SPI1: variants seen among roughly 807,000 people sequenced by gnomAD.
SPI1 encodes the protein transcription factor PU.1.
Under a neutral mutation model 30.7 loss-of-function variants are expected in SPI1, and 3 were observed. That is an observed-to-expected ratio of 0.10 (90% CI 0.04 to 0.25). The LOEUF (loss-of-function observed/expected upper bound fraction) is 0.25, where lower values mean the gene tolerates loss of function less well. Ranked by LOEUF, SPI1 falls within the 10% of genes least tolerant of loss-of-function variation. SPI1 has a pLI of 1.00. For synonymous variants in SPI1, 169 were observed against 157.1 expected, an observed-to-expected ratio of 1.08 and a Z score of -0.56; for missense variants, 261 against 371.5, an observed-to-expected ratio of 0.70 and a Z score of 2.45.
At chr11:47,372,068 G>A (rs2095936661) in intron 2 of SPI1, among the ~76,000 whole-genome samples, 2 of 151,228 alleles carry the variant, frequency 1.3e-5, no homozygotes, top group South Asian at 2.1e-4. Flanking sequence ...TAGACACTCC[G>A]CATTACATCT....
intron 2 of SPI1, among the ~76,000 whole-genome samples, chr11:47,362,026 A>C (rs2095921491): frequency 6.6e-6 from 1 of 152,322 alleles, no homozygotes; most frequent in South Asian, 2.1e-4. Flanking sequence ...AGAAAGGCAG[A>C]GCTGGGCTCA....
chr11:47,369,279 A>G (rs1387456669), intron 2 of SPI1, among the ~76,000 whole-genome samples: 1 of 152,136 alleles, frequency 6.6e-6, no homozygotes, highest in African/African-American at 2.4e-5. Flanking sequence ...CAAAAAGCAT[A>G]ATAAACAATA....
chr11:47,377,512 T>TC (rs911968287), intron 1 of SPI1, among the ~76,000 whole-genome samples: 1 of 151,730 alleles, frequency 6.6e-6, no homozygotes, highest in Non-Finnish European at 1.5e-5. Flanking sequence ...CTTCTCGGGG[T>TC]CCCCTGGGGC....
intron 4 of SPI1, among the ~76,000 whole-genome samples, chr11:47,356,376 ACCT>A (rs2095909306): frequency 2.1e-5 from 3 of 140,096 alleles, no homozygotes; most frequent in South Asian, 2.3e-4. Flanking sequence ...TCATGCTCAC[ACCT>A]CATTCACACC....
At chr11:47,360,064 T>C (rs2095918447) in intron 2 of SPI1, 24 bp from the exon 3 acceptor site, 1 of 1,515,186 alleles carries the variant, frequency 6.6e-7, no homozygotes, top group Non-Finnish European at 8.9e-7. Flanking sequence ...CCAGGCAGTA[T>C]GGGGTGAGCT....
chr11:47,356,296 A>G (rs917695153), intron 4 of SPI1, among the ~76,000 whole-genome samples: 3 of 149,442 alleles, frequency 2.0e-5, no homozygotes, highest in African/African-American at 5.0e-5. Flanking sequence ...GCACCCACCC[A>G]CATGTTCAAA....
At position 47,358,917 on chromosome 11, in the gene SPI1, G is replaced by C; in HGVS notation, c.420C>G (p.Ser140Arg). 22 of 1,560,982 alleles carry C rather than the reference G, an allele frequency of 1.4e-5. No homozygotes were observed. The highest frequency in any genetic ancestry group is 1.9e-5 in the Non-Finnish European group (22 of 1,153,782). Residue 140 changes from serine (S) to arginine (R), a missense_variant, in exon 4 of 5, where the codon AGC becomes AGG. This residue lies in a region of SPI1 where 106 missense variants were observed against 102.0 expected (regional missense o/e 1.04). Coordinates refer to ENST00000378538, the MANE Select transcript of SPI1 (RefSeq NM_003120.3). ...CGCCGTCAGACACCTCCAGTGGGGG[G>C]CTCTGCCGCTCGCCCTCCTCCTCAT... ...SSDEEEGERQ[S>R]PPLEVSDGEA...
intron 4 of SPI1, among the ~76,000 whole-genome samples, chr11:47,356,438 GCACA>G (rs571820381): frequency 6.7e-6 from 1 of 149,064 alleles, no homozygotes; most frequent in African/African-American, 2.5e-5. Context: ...TCACACACAT[GCACA>G]CACACTCAGA....
rs2095917171 is a variant in SPI1, at chr11:47,359,313, G to T, written c.331-307C>A. On this transcript the variant is annotated intron_variant, in intron 3 of 4. Transcript: ENST00000378538. This position sits in a 1 kb window ranked among gnomAD's most constrained non-coding sequence, Gnocchi z 5.1. ...CTCCTCCCTGCAGCGGTGCTGTGTGGACCCGCATTAGGCTGGGGTCAGAAG... is the reference window on the plus strand; with the variant it reads ...CTCCTCCCTGCAGCGGTGCTGTGTGTACCCGCATTAGGCTGGGGTCAGAAG... Among the ~76,000 whole-genome samples, 1 of 152,170 alleles carries T rather than the reference G, an allele frequency of 6.6e-6. No homozygotes were observed. Among genetic ancestry groups the T allele is most frequent in the Non-Finnish European group, 1.5e-5 (1 of 68,022 alleles).
chr11:47,356,675 A>C (rs2095910237), intron 4 of SPI1, among the ~76,000 whole-genome samples: 1 of 150,934 alleles, frequency 6.6e-6, no homozygotes, highest in Non-Finnish European at 1.5e-5. Context: ...TCACCCTCAC[A>C]CCTTACATTG....
Position 47,354,864 on chromosome 11 carries a change from T to C in SPI1, c.*363A>G, listed in dbSNP as rs897544699. ...AGACTCTGTGCTGCAAGAGGATGGATTGAGAATAACTTTACTTGTTTTTTG... is the reference window on the plus strand; with the variant it reads ...AGACTCTGTGCTGCAAGAGGATGGACTGAGAATAACTTTACTTGTTTTTTG... On this transcript the variant is annotated 3_prime_UTR_variant, in exon 5 of 5. Transcript: ENST00000378538. 3.7e-5 allele frequency: 7 copies of C among 188,668 alleles called. No individual in the cohort carries two copies. The highest frequency in any genetic ancestry group is 1.3e-4 in the East Asian group (1 of 7,892). 11.7% of individuals were successfully genotyped at this position (188,668 alleles called of 1,614,324 possible). A position where few individuals can be genotyped will look rare whatever the true frequency, so the allele number is the denominator to read the frequency against.
chr11:47,359,981 T>G lies in SPI1; in HGVS notation c.202A>C (p.Asn68His). The change falls in exon 3 of 5, where the codon AAC (asparagine) becomes CAC (histidine). Residue 68 changes from asparagine to histidine, a missense_variant. Physicochemically the swap from Asn to His is moderately conservative, Grantham distance 68. This residue lies in a region of SPI1 where 78 missense variants were observed against 93.2 expected (regional missense o/e 0.84). Transcript: ENST00000378538. The surrounding 1 kb of genome is among the most constrained non-coding windows in gnomAD (Gnocchi z 5.1). ...VHSEFESFAE[N>H]NFTELQSVQP... is the part of the protein sequence containing the mutation. ...ACGCTCTGGAGCTCCGTGAAGTTGT[T>G]CTCGGCGAAGCTCTCGAACTCGCTG... 6.2e-7 allele frequency: 1 copy of G among 1,607,988 alleles called. No individual in the cohort carries two copies. The highest frequency in any genetic ancestry group is 8.5e-7 in the Non-Finnish European group (1 of 1,176,780).
At chr11:47,372,105 CT>C (rs912143261) in intron 2 of SPI1, among the ~76,000 whole-genome samples, 651 of 140,684 alleles carry the variant, frequency 4.6e-3, no homozygotes, top group South Asian at 4.8e-3. Flanking sequence ...TTGTCTGATT[CT>C]TTTTTTTTTT....
At chr11:47,373,992 G>T (rs949648717) in intron 2 of SPI1, among the ~76,000 whole-genome samples, 1 of 152,250 alleles carries the variant, frequency 6.6e-6, no homozygotes, top group African/African-American at 2.4e-5. Flanking sequence ...CAAAGGAAAC[G>T]CACCCAAGCC....
At chr11:47,366,211 T>C (rs911193851) in intron 2 of SPI1, among the ~76,000 whole-genome samples, 2 of 152,184 alleles carry the variant, frequency 1.3e-5, no homozygotes, top group Non-Finnish European at 2.9e-5. Context: ...TTCCTCTCTC[T>C]AAACCAGTTC....
intron 2 of SPI1, among the ~76,000 whole-genome samples, chr11:47,361,192 GTC>G (rs1376065297): frequency 4.6e-5 from 7 of 152,096 alleles, no homozygotes; most frequent in East Asian, 1.9e-4. Context: ...GCTGCCCACA[GTC>G]TCTCTCTCTG....
Position 47,374,812 on chromosome 11 carries a change from A to G in SPI1, c.142+821T>C, listed in dbSNP as rs1195409382. ...TCCCATCCCCTGAATTTGCTCCAGGACGGAGGCTGGGCTATGGGGCAGACA... is the reference window on the plus strand; with the variant it reads ...TCCCATCCCCTGAATTTGCTCCAGGGCGGAGGCTGGGCTATGGGGCAGACA... On this transcript the variant is annotated intron_variant, in intron 2 of 4. Coordinates refer to ENST00000378538, the MANE Select transcript of SPI1 (RefSeq NM_003120.3). The surrounding 1 kb of genome is among the most constrained non-coding windows in gnomAD (Gnocchi z 4.5). Among the ~76,000 whole-genome samples the G allele has an allele frequency of 6.6e-6, 1 of 152,238 alleles. No homozygotes were observed. Among genetic ancestry groups the G allele is most frequent in the African/African-American group, 2.4e-5 (1 of 41,462 alleles).
chr11:47,361,869 C>T (rs536603603), intron 2 of SPI1, among the ~76,000 whole-genome samples: 6 of 150,154 alleles, frequency 4.0e-5, no homozygotes, highest in East Asian at 2.0e-4. Flanking sequence ...TTTTTTCTCC[C>T]GGAGCCTCTC....
In SPI1 at chr11:47,374,226, G is replaced by A. The variant is rs1044885212; in HGVS notation, c.142+1407C>T. ...GAGAGCTGGGGATGGAGTTGGGGGA[G>A]GGGGACTTTCTCTCTACATTGCCTG... is the stretch of plus-strand genomic sequence containing the variant. On this transcript the variant is annotated intron_variant, in intron 2 of 4. Coordinates refer to ENST00000378538, the MANE Select transcript of SPI1 (RefSeq NM_003120.3). The surrounding 1 kb of genome is among the most constrained non-coding windows in gnomAD (Gnocchi z 4.5). Among the ~76,000 whole-genome samples, 2 of 152,220 alleles carry A rather than the reference G, an allele frequency of 1.3e-5. No homozygotes were observed. Among genetic ancestry groups the A allele is most frequent in the African/African-American group, 2.4e-5 (1 of 41,454 alleles).
Sources: allele counts gnomAD v4.1 joint callset (sites outside exome capture counted in the v4.1 genomes callset), GRCh38; gene constraint gnomAD v4.1.1; regional missense constraint gnomAD v4.1.1; non-coding constraint Gnocchi (gnomAD v3.1); transcripts MANE v1.5; gene names NCBI Gene and HGNC (gene_info 2026-07-23, HGNC 2026-07-21).